Variants in PKIB observed in about 807,000 individuals in gnomAD.
PKIB encodes the protein PKI-beta.
PKIB carries 2 observed loss-of-function variants against 4.5 expected under a neutral mutation model. The observed-to-expected ratio is 0.44, with a 90% CI of 0.18 to 1.39. PKIB has a LOEUF of 1.39. PKIB is among the 40% of genes most tolerant of loss of function. PKIB has a pLI of 0.27. For synonymous variants in PKIB, 38 were observed against 36.0 expected (o/e 1.06, Z -0.20); for missense variants, 94 against 92.6 (o/e 1.02, Z -0.06).
intron 2 of PKIB, chr6:122,480,345 A>C (rs938996590): frequency 6.6e-6 from 1 of 152,126 alleles, no homozygotes; most frequent in Admixed American, 6.5e-5. Flanking sequence ...CCCGGCCTAT[A>C]GTCAAATTTT....
chr6:122,568,997 T>C (rs905249780), intron 2 of PKIB, among the ~76,000 whole-genome samples: 3 of 152,106 alleles, frequency 2.0e-5, no homozygotes, highest in African/African-American at 7.2e-5. Context: ...TACTGCTGCC[T>C]GATACTCTCC....
chr6:122,580,153 A>G (rs1773663083), intron 2 of PKIB, among the ~76,000 whole-genome samples: 1 of 152,192 alleles, frequency 6.6e-6, no homozygotes, highest in Non-Finnish European at 1.5e-5. Context: ...CTATCTTCAA[A>G]AAAACTAGAA....
At chr6:122,636,837 T>C (rs984199090) in intron 2 of PKIB, among the ~76,000 whole-genome samples, 3 of 152,158 alleles carry the variant, frequency 2.0e-5, no homozygotes, top group Non-Finnish European at 4.4e-5. Flanking sequence ...ATTAAAATTG[T>C]GTGGTACTAT....
At position 122,717,851 on chromosome 6, in the gene PKIB, A is replaced by C; in HGVS notation, c.57A>C (p.Ala19=). ...TDVESGVANF[A]SSARAGRRNA... ...TGGAGTCTGGGGTCGCCAATTTTGC[A>C]TCTTCAGCAAGGGCAGGCCGCCGGA... The change falls in exon 4 of 5, where the codon GCA becomes GCC. Residue 19 remains alanine, a synonymous_variant. Coordinates refer to ENST00000368452, the MANE Select transcript of PKIB (RefSeq NM_181795.3). 1 of 1,614,112 alleles carries C rather than the reference A, an allele frequency of 6.2e-7. No homozygotes were observed. Among genetic ancestry groups the C allele is most frequent in the South Asian group, 1.1e-5 (1 of 91,074 alleles).
chr6:122,544,595 G>A (rs758543718), intron 2 of PKIB, among the ~76,000 whole-genome samples: 40 of 152,014 alleles, frequency 2.6e-4, no homozygotes, highest in Non-Finnish European at 4.6e-4. Flanking sequence ...GGAATATGTA[G>A]TGTGCATGCT....
chr6:122,569,275 A>G (rs921512054), intron 2 of PKIB, among the ~76,000 whole-genome samples: 17 of 152,204 alleles, frequency 1.1e-4, no homozygotes, highest in African/African-American at 4.1e-4. Flanking sequence ...TCCCCTGGGT[A>G]ACTTAGGGCA....
chr6:122,648,169 C>T lies in PKIB; in HGVS notation c.-76+14802C>T, dbSNP rs117452462. Among the ~76,000 whole-genome samples the T allele has an allele frequency of 1.2e-3, 185 of 152,340 alleles. 3 individuals are homozygous for T. The East Asian group carries it at 0.02, about 17-fold the overall frequency. ...CTGGTGGCAGCCTTAACTCCTAGTT[C>T]AGTGGAACCCTTTCGTCTCCTAGTG... On this transcript the variant is annotated intron_variant, in intron 2 of 4. Transcript: ENST00000368452.
At chr6:122,543,766 G>A (rs1466063811) in intron 2 of PKIB, among the ~76,000 whole-genome samples, 1 of 151,944 alleles carries the variant, frequency 6.6e-6, no homozygotes, top group East Asian at 1.9e-4. Context: ...GAGAGAAAGT[G>A]CTGTCGATCT....
At chr6:122,665,321 T>C (rs572732503) in intron 2 of PKIB, among the ~76,000 whole-genome samples, 1 of 152,336 alleles carries the variant, frequency 6.6e-6, no homozygotes, top group African/African-American at 2.4e-5. Context: ...AGAGTCACTC[T>C]TCAAAGGGCC....
intron 2 of PKIB, among the ~76,000 whole-genome samples, chr6:122,674,021 C>T (rs1410762439): frequency 6.6e-6 from 1 of 152,078 alleles, no homozygotes; most frequent in East Asian, 1.9e-4. Context: ...GGCAAAGAAA[C>T]TCAGCCACAG....
At chr6:122,707,972 G>A (rs1020034479) in intron 3 of PKIB, among the ~76,000 whole-genome samples, 6 of 3,562 alleles carry the variant, frequency 1.7e-3, no homozygotes, top group Non-Finnish European at 8.3e-3. Flanking sequence ...AAAAATTCAT[G>A]TTGAAAAGTG....
chr6:122,477,499 C>G (rs950343909), intron 1 of PKIB, among the ~76,000 whole-genome samples: 1 of 152,128 alleles, frequency 6.6e-6, no homozygotes, highest in Admixed American at 6.5e-5. Flanking sequence ...CTATATGATA[C>G]TATATGAAAT....
In PKIB at chr6:122,491,566, A is replaced by G. The variant is rs1775934031; in HGVS notation, c.-248+13627A>G. Reference sequence around the variant, plus strand: ...TCATTAACGTAGGCCTCTAGAAGGGACGTGTGGCCTTGGGCAAACCAAGTC... The same window carrying G: ...TCATTAACGTAGGCCTCTAGAAGGGGCGTGTGGCCTTGGGCAAACCAAGTC... On this transcript the variant is annotated intron_variant, in intron 2 of 6. Coordinates refer to the PKIB transcript ENST00000392491. 1.3e-5 allele frequency among the ~76,000 whole-genome samples: 2 copies of G among 152,146 alleles called. 1 individual carries two copies. The highest frequency in any genetic ancestry group is 4.1e-4 in the South Asian group (2 of 4,832).
chr6:122,565,033 C>A (rs1773144076), intron 2 of PKIB, among the ~76,000 whole-genome samples: 1 of 152,122 alleles, frequency 6.6e-6, no homozygotes, highest in African/African-American at 2.4e-5. Context: ...TAGTATTAGA[C>A]CTCAATGGCT....
intron 2 of PKIB, among the ~76,000 whole-genome samples, chr6:122,536,951 A>G (rs1281010083): frequency 1.3e-5 from 2 of 148,264 alleles, no homozygotes; most frequent in Admixed American, 1.3e-4. Flanking sequence ...GGGATGCCAC[A>G]TTGCCTGCTA....
intron 1 of PKIB, among the ~76,000 whole-genome samples, chr6:122,474,434 C>G (rs1280221596): frequency 1.3e-5 from 2 of 152,132 alleles, no homozygotes; most frequent in Non-Finnish European, 2.9e-5. Context: ...TGTAAGTGTT[C>G]CATGAAATAT....
chr6:122,702,744 T>C (rs1452074402), intron 3 of PKIB, among the ~76,000 whole-genome samples: 1 of 152,152 alleles, frequency 6.6e-6, no homozygotes, highest in Non-Finnish European at 1.5e-5. Flanking sequence ...ATAAAGAATT[T>C]AAATATTGGA....
intron 2 of PKIB, among the ~76,000 whole-genome samples, chr6:122,496,372 AT>A (rs1290185334): frequency 1.3e-5 from 2 of 152,236 alleles, no homozygotes; most frequent in Non-Finnish European, 2.9e-5. Flanking sequence ...CTTTTCAGAA[AT>A]GGTCTCTAAC....
At chr6:122,630,090 A>G (rs1306661210) in intron 1 of PKIB, among the ~76,000 whole-genome samples, 4 of 152,242 alleles carry the variant, frequency 2.6e-5, no homozygotes, top group African/African-American at 7.2e-5. Context: ...ACTATCTTCA[A>G]ATTTTTTTTT....
Sources: allele counts gnomAD v4.1 joint callset (sites outside exome capture counted in the v4.1 genomes callset), GRCh38; gene constraint gnomAD v4.1.1; transcripts MANE v1.5; gene names NCBI Gene and HGNC (gene_info 2026-07-23, HGNC 2026-07-21).